BLM: variants seen among roughly 807,000 people sequenced by gnomAD.
BLM encodes the protein recQ-like DNA helicase BLM.
BLM carries 95 observed loss-of-function variants against 135.3 expected under a neutral mutation model. The observed-to-expected ratio is 0.70, with a 90% CI of 0.59 to 0.83. The LOEUF (loss-of-function observed/expected upper bound fraction) is 0.83. Among genes scored for constraint, BLM ranks in the 40% least tolerant of loss-of-function variants. BLM has a pLI of 0.00. For synonymous variants in BLM, 520 were observed against 589.2 expected (o/e 0.88, Z 1.70); for missense variants, 1,518 against 1,663.9 (o/e 0.91, Z 1.53).
At chr15:90,794,084 T>C (rs1896968992) in intron 15 of BLM, 83 bp from the exon 16 acceptor site, 1 of 998,210 alleles carries the variant, frequency 1.0e-6, no homozygotes, top group Non-Finnish European at 1.5e-6. Flanking sequence ...TTTAAAGTTA[T>C]ATGAATCTAT....
chr15:90,747,370 T>C lies in BLM; in HGVS notation c.-4-19T>C, dbSNP rs1370598824. 6.3e-7 allele frequency: 1 copy of C among 1,575,674 alleles called. No homozygotes were observed. On this transcript the variant is annotated intron_variant, in intron 1 of 21. Coordinates refer to ENST00000355112, the MANE Select transcript of BLM (RefSeq NM_000057.4). Reference sequence around the variant, plus strand: ...CAAAGTACCTAACTCCACTGATTTCTTTTTCCCTCACTTTTTAGGATTATG... The same window carrying C: ...CAAAGTACCTAACTCCACTGATTTCCTTTTCCCTCACTTTTTAGGATTATG...
chr15:90,755,740 T>A (rs1895800956), intron 5 of BLM, among the ~76,000 whole-genome samples: 1 of 152,208 alleles, frequency 6.6e-6, no homozygotes, highest in Non-Finnish European at 1.5e-5. Context: ...ATTTTTCATC[T>A]CTTGATTTTC....
intron 1 of BLM, 77 bp from the exon 2 acceptor site, chr15:90,747,312 C>T (rs1269980300): frequency 1.9e-6 from 2 of 1,063,158 alleles, no homozygotes; most frequent in Non-Finnish European, 2.8e-6. Flanking sequence ...TGAATCAAGT[C>T]CTTCCTCCCC....
intron 17 of BLM, among the ~76,000 whole-genome samples, chr15:90,800,737 G>C (rs997491409): frequency 6.7e-6 from 1 of 150,226 alleles, no homozygotes; most frequent in Non-Finnish European, 1.5e-5. Context: ...AGAAAGGAAT[G>C]GTTTTATTGA....
At chr15:90,803,396 G>A in intron 17 of BLM, 125 bp from the exon 18 acceptor site, 5 of 694,974 alleles carry the variant, frequency 7.2e-6, no homozygotes, top group Non-Finnish European at 1.2e-5. Context: ...ATGAGTGTCT[G>A]TGCCGGGGTT....
intron 5 of BLM, among the ~76,000 whole-genome samples, chr15:90,759,502 G>T (rs1895903274): frequency 6.6e-6 from 1 of 152,190 alleles, no homozygotes; most frequent in Non-Finnish European, 1.5e-5. Flanking sequence ...GCTGAGGCAG[G>T]AGGATCTCTT....
At chr15:90,724,044 G>A (rs1169832326) in intron 1 of BLM, among the ~76,000 whole-genome samples, 1 of 151,834 alleles carries the variant, frequency 6.6e-6, no homozygotes, top group Non-Finnish European at 1.5e-5. Context: ...ACAGGGTCTT[G>A]CTCAGCTATC....
chr15:90,795,473 T>G (rs561975733), intron 16 of BLM, among the ~76,000 whole-genome samples: 1 of 150,504 alleles, frequency 6.6e-6, no homozygotes, highest in Admixed American at 6.6e-5. Flanking sequence ...AGAGCGAAAC[T>G]CCATCAAAAA....
intron 2 of BLM, among the ~76,000 whole-genome samples, chr15:90,748,840 C>T (rs1314519167): frequency 1.3e-5 from 2 of 151,888 alleles, no homozygotes; most frequent in Non-Finnish European, 2.9e-5. Context: ...TCACTGTAAC[C>T]TCCACCTCCT....
At chr15:90,796,887 G>A (rs1407588382) in intron 16 of BLM, among the ~76,000 whole-genome samples, 1 of 152,182 alleles carries the variant, frequency 6.6e-6, no homozygotes, top group African/African-American at 2.4e-5. Flanking sequence ...CTGAGGTTGA[G>A]GATCAGCAGA....
intron 1 of BLM, among the ~76,000 whole-genome samples, chr15:90,737,657 A>G (rs541899501): frequency 1.5e-4 from 23 of 152,284 alleles, no homozygotes; most frequent in Non-Finnish European, 2.6e-4. Context: ...GCCAAAACTC[A>G]TGGAATACAG....
At chr15:90,781,832 G>A (rs930444640) in intron 12 of BLM, among the ~76,000 whole-genome samples, 2 of 152,076 alleles carry the variant, frequency 1.3e-5, no homozygotes, top group Admixed American at 6.6e-5. Context: ...CTAAAAATAC[G>A]TATATTTCCT....
chr15:90,728,501 A>C (rs77073497), intron 1 of BLM, among the ~76,000 whole-genome samples: 1 of 152,064 alleles, frequency 6.6e-6, no homozygotes, highest in Non-Finnish European at 1.5e-5. Context: ...GGCTCAAGCA[A>C]TATTCCTGCC....
At chr15:90,750,869 G>A (rs555848168) in intron 3 of BLM, among the ~76,000 whole-genome samples, 2 of 152,236 alleles carry the variant, frequency 1.3e-5, no homozygotes, top group East Asian at 1.9e-4. Flanking sequence ...GATACTATCC[G>A]AGATTTCAGG....
chr15:90,810,828 A>G (rs1311591111), intron 20 of BLM, among the ~76,000 whole-genome samples: 1 of 152,198 alleles, frequency 6.6e-6, no homozygotes, highest in African/African-American at 2.4e-5. Flanking sequence ...TAAAATAAGT[A>G]AAATTGCCTG....
intron 8 of BLM, 82 bp from the exon 9 acceptor site, chr15:90,765,214 A>G (rs570311411): frequency 2.5e-5 from 28 of 1,126,700 alleles, no homozygotes; most frequent in East Asian, 4.7e-5. Context: ...TGTCCTATTA[A>G]TGATATGATT....
intron 12 of BLM, among the ~76,000 whole-genome samples, chr15:90,775,078 G>T (rs970617658): frequency 2.0e-5 from 3 of 152,220 alleles, no homozygotes; most frequent in Non-Finnish European, 2.9e-5. Context: ...GTTAGAGGTA[G>T]AGCAGCCCTT....
chr15:90,797,414 C>CAAAAAAAAAAAAAAA (rs56369282), intron 16 of BLM, among the ~76,000 whole-genome samples: 12 of 109,606 alleles, frequency 1.1e-4, no homozygotes, highest in African/African-American at 1.7e-4. Flanking sequence ...AACTCCATCT[C>CAAAAAAAAAAAAAAA]AAAAAAAAAA....
chr15:90,769,353 A>T, intron 11 of BLM, 85 bp from the exon 12 acceptor site: 5 of 1,562,972 alleles, frequency 3.2e-6, no homozygotes, highest in Non-Finnish European at 4.4e-6. Flanking sequence ...AGAATAAGGT[A>T]GTTCTTAATA....
Sources: gnomAD v4.1 joint callset for allele counts (sites outside exome capture counted in the v4.1 genomes callset) on GRCh38, gnomAD v4.1.1 for gene constraint, MANE v1.5 for transcripts, NCBI Gene and HGNC (gene_info 2026-07-23, HGNC 2026-07-21) for gene names.